Variants in NF1 observed in about 807,000 individuals in gnomAD.
NF1 encodes the protein neurofibromin.
A neutral mutation model predicts 325.7 loss-of-function variants in NF1; 122 were observed. The observed-to-expected ratio is 0.37, with a 90% CI of 0.32 to 0.44. NF1 has a LOEUF of 0.44. Among genes scored for constraint, NF1 ranks in the 20% least tolerant of loss-of-function variants. The pLI is 1.00. For missense variants in NF1, 2,140 were observed against 3,415.4 expected (o/e 0.63, Z 9.31); for synonymous variants, 1,091 against 1,186.0 (o/e 0.92, Z 1.65).
intron 5 of NF1, among the ~76,000 whole-genome samples, chr17:31,175,538 T>A (rs114567944): frequency 0.01 from 1,596 of 152,198 alleles, 24 homozygotes; most frequent in African/African-American, 0.033. Context: ...CCAAATTTTT[T>A]AATTATACTT....
At chr17:31,335,060 G>C (rs777393842) in intron 40 of NF1, 29 bp downstream of exon 40, 1 of 1,576,224 alleles carries the variant, frequency 6.3e-7, no homozygotes, top group Non-Finnish European at 8.7e-7. Context: ...TATTTATCTA[G>C]TATCTCCTTT....
At chr17:31,349,013 T>C in intron 48 of NF1, 107 bp from the exon 49 acceptor site, 2 of 1,395,630 alleles carry the variant, frequency 1.4e-6, no homozygotes, top group Non-Finnish European at 2.0e-6. Context: ...AGGAGTTATA[T>C]TTCCTTTCCT....
At chr17:31,190,715 C>T (rs1349371466) in intron 8 of NF1, among the ~76,000 whole-genome samples, 2 of 152,120 alleles carry the variant, frequency 1.3e-5, no homozygotes, top group Non-Finnish European at 2.9e-5. Context: ...ACTAGGGGTT[C>T]CTGTGTCAAG....
At chr17:31,268,009 T>C (rs1389680465) in intron 36 of NF1, among the ~76,000 whole-genome samples, 5 of 152,186 alleles carry the variant, frequency 3.3e-5, no homozygotes, top group Non-Finnish European at 7.3e-5. Context: ...AGGAAAAGCA[T>C]GAATTAGCGC....
rs76015786 is a variant in NF1, at chr17:31,200,444, G to A, written c.911G>A (p.Arg304Gln). ...TAGAAGTTATTTCTGGACAGTCTAC[G>A]AAAAGCTCTTGCTGGCCATGGAGGA... The part of the protein sequence containing the change: ...MNKKLFLDSL[R>Q]KALAGHGGSR... Residue 304 changes from arginine (R) to glutamine (Q), a missense_variant, in exon 9 of 58, where the codon CGA (arginine) becomes CAA (glutamine). Physicochemically the swap from Arg to Gln is conservative, Grantham distance 43 (BLOSUM62 1). Transcript: ENST00000358273. The A allele has an allele frequency of 1.2e-6, 2 of 1,613,916 alleles. No homozygotes were observed. Among genetic ancestry groups the A allele is most frequent in the Non-Finnish European group, 1.7e-6 (2 of 1,180,004 alleles).
intron 36 of NF1, among the ~76,000 whole-genome samples, chr17:31,287,937 G>A (rs1354535978): frequency 8.1e-6 from 1 of 124,192 alleles, no homozygotes; most frequent in Non-Finnish European, 1.7e-5. Context: ...GTTGTGGGGT[G>A]GGGGGAGGGG....
At chr17:31,249,439 A>G (rs1037111495) in intron 30 of NF1, among the ~76,000 whole-genome samples, 1 of 152,234 alleles carries the variant, frequency 6.6e-6, no homozygotes. Flanking sequence ...GTTGTCATCT[A>G]TTAACCTAAA....
chr17:31,321,996 T>C (rs1233075895), intron 36 of NF1: 1 of 152,158 alleles, frequency 6.6e-6, no homozygotes, highest in East Asian at 1.9e-4. Flanking sequence ...GATCAGATAA[T>C]GTAACAATTG....
intron 29 of NF1, among the ~76,000 whole-genome samples, chr17:31,243,956 C>A (rs573223745): frequency 3.9e-5 from 6 of 151,996 alleles, no homozygotes; most frequent in Non-Finnish European, 5.9e-5. Flanking sequence ...CAAGTCTCAC[C>A]CAAGGCCCAC....
intron 11 of NF1, among the ~76,000 whole-genome samples, chr17:31,205,366 C>T (rs1041134837): frequency 5.3e-5 from 8 of 151,948 alleles, no homozygotes; most frequent in African/African-American, 1.7e-4. Context: ...AATTAGAAGC[C>T]TACATTTTAG....
At chr17:31,324,333 C>T (rs2069288497) in intron 36 of NF1, among the ~76,000 whole-genome samples, 1 of 152,174 alleles carries the variant, frequency 6.6e-6, no homozygotes. Context: ...TCCCAAAGTG[C>T]TGGGATTGCA....
chr17:31,285,184 G>A (rs1197129339), intron 36 of NF1, among the ~76,000 whole-genome samples: 1 of 151,176 alleles, frequency 6.6e-6, no homozygotes, highest in Non-Finnish European at 1.5e-5. Flanking sequence ...GGGTGAGACA[G>A]GAGAATTGCT....
chr17:31,334,619 T>G, intron 39 of NF1: 1 of 515,504 alleles, frequency 1.9e-6, no homozygotes, highest in South Asian at 2.6e-5. Context: ...AAGACAAAAC[T>G]TTTCAAAAAT....
chr17:31,242,966 G>A (rs1247480410), intron 29 of NF1, among the ~76,000 whole-genome samples: 1 of 152,152 alleles, frequency 6.6e-6, no homozygotes, highest in Non-Finnish European at 1.5e-5. Context: ...AGGCACTTGG[G>A]TGTTGTTATC....
intron 13 of NF1, among the ~76,000 whole-genome samples, chr17:31,214,970 C>G (rs992356399): frequency 5.9e-5 from 9 of 152,088 alleles, no homozygotes; most frequent in South Asian, 2.1e-4. Flanking sequence ...TAAAAAATCT[C>G]CAGATTGCTT....
rs146063180 is a variant in NF1, at chr17:31,268,487, C to T, written c.4835+3148C>T. On this transcript the variant is annotated intron_variant, in intron 36 of 57. Transcript: ENST00000358273. ...ACTAAAACACAAAAAATTAGGCAGG[C>T]GTGGTGGCACGTGGCTGTAGTCCCA... is the stretch of plus-strand genomic sequence containing the variant. 7.9e-5 allele frequency among the ~76,000 whole-genome samples: 12 copies of T among 151,870 alleles called. No individual in the cohort carries two copies. The East Asian group carries it at 2.4e-3, about 30-fold the overall frequency.
intron 25 of NF1, among the ~76,000 whole-genome samples, 187 bp from the exon 26 acceptor site, chr17:31,232,513 A>G (rs1206938679): frequency 1.3e-5 from 2 of 152,170 alleles, no homozygotes; most frequent in African/African-American, 2.4e-5. Flanking sequence ...AGGCTATATC[A>G]GGTAAAATCA....
At chr17:31,234,118 A>G (rs2067160188) in intron 27 of NF1, among the ~76,000 whole-genome samples, 1 of 149,404 alleles carries the variant, frequency 6.7e-6, no homozygotes, top group Non-Finnish European at 1.5e-5. Flanking sequence ...AACACCTGGC[A>G]TGAGATCTAC....
chr17:31,248,788 A>G (rs1438934340), intron 29 of NF1, among the ~76,000 whole-genome samples, 196 bp from the exon 30 acceptor site: 1 of 150,726 alleles, frequency 6.6e-6, no homozygotes, highest in African/African-American at 2.4e-5. Context: ...CTCCCAAAGT[A>G]CTGGGATTGC....
Sources: allele counts gnomAD v4.1 joint callset (sites outside exome capture counted in the v4.1 genomes callset), GRCh38; gene constraint gnomAD v4.1.1; transcripts MANE v1.5; gene names NCBI Gene and HGNC (gene_info 2026-07-23, HGNC 2026-07-21).